TMEM108: variants seen among roughly 807,000 people sequenced by gnomAD.
The protein encoded by TMEM108 is cancer/testis antigen 124.
In TMEM108, 12 loss-of-function variants were observed where a neutral mutation model predicts 35.1. That is an observed-to-expected ratio of 0.34 (90% CI 0.22 to 0.55). The LOEUF (loss-of-function observed/expected upper bound fraction) is 0.55. TMEM108 is among the 20% of genes least tolerant of loss of function. TMEM108 has a pLI of 0.89. For synonymous variants in TMEM108, 287 were observed against 308.6 expected, an observed-to-expected ratio of 0.93 and a Z score of 0.73; for missense variants, 680 against 753.3, an observed-to-expected ratio of 0.90 and a Z score of 1.14.
At chr3:133,221,259 C>G (rs111316731) in intron 2 of TMEM108, among the ~76,000 whole-genome samples, 2,026 of 152,132 alleles carry the variant, frequency 0.013, 25 homozygotes, top group South Asian at 0.044. Flanking sequence ...GTGACCAGCC[C>G]CCACCCAGGA....
chr3:133,308,674 C>T lies in TMEM108; in HGVS notation c.41-71078C>T, dbSNP rs186381147. On this transcript the variant is annotated intron_variant, in intron 3 of 5. Coordinates refer to ENST00000321871, the MANE Select transcript of TMEM108 (RefSeq NM_023943.4). ...GTGATGGATTACGTCTATTGATTTG[C>T]GTATGTTGAACCAGCCTTGCATCCG... Among the ~76,000 whole-genome samples, 111 of 152,264 alleles carry T rather than the reference C, an allele frequency of 7.3e-4. No homozygotes were observed. The East Asian group carries it at 0.013, about 18-fold the overall frequency.
At chr3:133,306,405 T>C (rs971823795) in intron 3 of TMEM108, among the ~76,000 whole-genome samples, 3 of 152,184 alleles carry the variant, frequency 2.0e-5, no homozygotes, top group African/African-American at 4.8e-5. Flanking sequence ...CTAGGGTACA[T>C]GTGCACAACG....
intron 2 of TMEM108, among the ~76,000 whole-genome samples, chr3:133,101,730 G>T (rs1430474464): frequency 6.6e-6 from 1 of 152,188 alleles, no homozygotes; most frequent in Non-Finnish European, 1.5e-5. Context: ...GTTGGACATT[G>T]TTCACCAATC....
intron 2 of TMEM108, among the ~76,000 whole-genome samples, chr3:133,178,097 A>G (rs1945266568): frequency 6.6e-6 from 1 of 152,238 alleles, no homozygotes; most frequent in Non-Finnish European, 1.5e-5. Flanking sequence ...CTAGGAATCC[A>G]CCTTCCAAGG....
chr3:133,380,160 C>T lies in TMEM108; in HGVS notation c.449C>T (p.Thr150Ile). Residue 150 changes from threonine to isoleucine, a missense_variant, in exon 4 of 6, where the codon ACC becomes ATC. Around this residue, in one of 3 missense-constraint regions of TMEM108, gnomAD observed 526 missense variants for 532.1 expected, o/e 0.99. Transcript: ENST00000321871. This position sits in a 1 kb window ranked among gnomAD's most constrained non-coding sequence, Gnocchi z 5.3. ...TILLTKPPGA[T>I]SRPTTAPPRT... is the part of the protein sequence containing the mutation. The stretch of plus-strand genomic sequence containing the variant: ...CTGCTGACAAAGCCACCGGGGGCCA[C>T]CAGCCGCCCCACCACAGCGCCCCCC... 3 of 1,612,962 alleles carry T rather than the reference C, an allele frequency of 1.9e-6. No individual in the cohort carries two copies. The highest frequency in any genetic ancestry group is 2.5e-6 in the Non-Finnish European group (3 of 1,179,542).
At chr3:133,206,595 C>T (rs777763675) in intron 2 of TMEM108, among the ~76,000 whole-genome samples, 21 of 152,224 alleles carry the variant, frequency 1.4e-4, no homozygotes, top group Non-Finnish European at 2.2e-4. Flanking sequence ...TGGAGGTCAA[C>T]TCCAGATCCT....
intron 2 of TMEM108, among the ~76,000 whole-genome samples, chr3:133,058,601 G>A (rs138657416): frequency 7.7e-4 from 117 of 152,350 alleles, no homozygotes; most frequent in African/African-American, 2.7e-3. Flanking sequence ...GGGTGGGAAC[G>A]CACTTGAGGG....
chr3:133,184,396 T>A (rs967527049), intron 2 of TMEM108, among the ~76,000 whole-genome samples: 6 of 152,354 alleles, frequency 3.9e-5, no homozygotes, highest in African/African-American at 1.2e-4. Context: ...TCTTATTTCT[T>A]GCATAAATCA....
At chr3:133,168,770 A>G (rs1945083032) in intron 2 of TMEM108, among the ~76,000 whole-genome samples, 2 of 152,052 alleles carry the variant, frequency 1.3e-5, no homozygotes, top group Non-Finnish European at 2.9e-5. Flanking sequence ...TGCAATAAAT[A>G]TTGCTGCTGC....
chr3:133,040,157 G>A (rs1943255317), intron 1 of TMEM108, among the ~76,000 whole-genome samples: 1 of 151,388 alleles, frequency 6.6e-6, no homozygotes, highest in Admixed American at 6.6e-5. Context: ...AACCAAATTA[G>A]TGGGAATAAT....
intron 3 of TMEM108, among the ~76,000 whole-genome samples, chr3:133,357,163 A>G (rs553474889): frequency 2.6e-4 from 39 of 152,354 alleles, no homozygotes; most frequent in African/African-American, 8.9e-4. Context: ...ACAAATGGCC[A>G]TTAAAAATGA....
intron 3 of TMEM108, among the ~76,000 whole-genome samples, chr3:133,248,853 G>A (rs947714342): frequency 2.6e-5 from 4 of 152,202 alleles, no homozygotes; most frequent in Non-Finnish European, 5.9e-5. Flanking sequence ...GATGGGGAAA[G>A]AAATCTGGCT....
chr3:133,078,879 C>T (rs183529369), intron 2 of TMEM108, among the ~76,000 whole-genome samples: 9 of 152,168 alleles, frequency 5.9e-5, no homozygotes, highest in Admixed American at 1.3e-4. Context: ...ATTTATCCAG[C>T]GAATAGATAT....
chr3:133,063,848 G>A (rs1220751950), intron 2 of TMEM108, among the ~76,000 whole-genome samples: 1 of 152,142 alleles, frequency 6.6e-6, no homozygotes, highest in Non-Finnish European at 1.5e-5. Context: ...GGGCTGCCTT[G>A]AGACCAAGCA....
chr3:133,212,466 AT>A (rs1262344256), intron 2 of TMEM108, among the ~76,000 whole-genome samples: 1 of 152,200 alleles, frequency 6.6e-6, no homozygotes, highest in Non-Finnish European at 1.5e-5. Context: ...AGTTATTGTA[AT>A]TGTACCCACA....
At chr3:133,066,064 A>G (rs549975826) in intron 2 of TMEM108, among the ~76,000 whole-genome samples, 1 of 152,182 alleles carries the variant, frequency 6.6e-6, no homozygotes, top group South Asian at 2.1e-4. Flanking sequence ...CTTATATTCC[A>G]ATTACTTTAC....
At chr3:133,163,860 A>G (rs1944996929) in intron 2 of TMEM108, among the ~76,000 whole-genome samples, 1 of 152,128 alleles carries the variant, frequency 6.6e-6, no homozygotes, top group South Asian at 2.1e-4. Flanking sequence ...CTAGCTACCA[A>G]GTTTCCCACA....
chr3:133,069,589 C>T (rs917487273), intron 2 of TMEM108, among the ~76,000 whole-genome samples: 2 of 152,104 alleles, frequency 1.3e-5, no homozygotes, highest in African/African-American at 4.8e-5. Context: ...AGCTGTTCTC[C>T]TCTATATTTG....
chr3:133,373,460 A>G lies in TMEM108; in HGVS notation c.41-6292A>G, dbSNP rs1001230659. Among the ~76,000 whole-genome samples the G allele has an allele frequency of 1.5e-4, 22 of 151,520 alleles. No homozygotes were observed. The South Asian group carries it at 3.5e-3, about 24-fold the overall frequency. On this transcript the variant is annotated intron_variant, in intron 3 of 5. Coordinates refer to ENST00000321871, the MANE Select transcript of TMEM108 (RefSeq NM_023943.4). ...TAGATAGATACAGTATGAGTTTGGC[A>G]CCTTAATGGGATTGGCAGGCAATGA...
Sources: allele counts gnomAD v4.1 joint callset (sites outside exome capture counted in the v4.1 genomes callset), GRCh38; gene constraint gnomAD v4.1.1; regional missense constraint gnomAD v4.1.1; non-coding constraint Gnocchi (gnomAD v3.1); transcripts MANE v1.5; gene names NCBI Gene and HGNC (gene_info 2026-07-23, HGNC 2026-07-21).